The following FAM193A variants were observed in gnomAD, a reference collection of about 807,000 sequenced individuals.
The protein encoded by FAM193A is family with sequence similarity 193 member A, also known as protein FAM193A.
Under a neutral mutation model 126.5 loss-of-function variants are expected in FAM193A, and 22 were observed. That is an observed-to-expected ratio of 0.17 (90% CI 0.12 to 0.25). FAM193A has a LOEUF of 0.25. FAM193A is among the 10% of genes least tolerant of loss of function. FAM193A has a pLI of 1.00. For missense variants in FAM193A, 1,675 were observed against 1,672.8 expected, an observed-to-expected ratio of 1.00 and a Z score of -0.02; for synonymous variants, 761 against 646.8, an observed-to-expected ratio of 1.18 and a Z score of -2.68.
intron 2 of FAM193A, among the ~76,000 whole-genome samples, chr4:2,608,677 A>C (rs936283109): frequency 6.6e-6 from 1 of 152,058 alleles, no homozygotes; most frequent in Admixed American, 6.6e-5. Flanking sequence ...ATAACATTCT[A>C]TCTCGGGCCC....
Position 2,557,832 on chromosome 4 carries a change from G to A in FAM193A, c.255+20662G>A, listed in dbSNP as rs565865668. On this transcript the variant is annotated intron_variant, in intron 1 of 20. Transcript: ENST00000637812. ...CCAGGTGTGGTGGTGCACGCCTGTA[G>A]TCCCAGCTACTCGGGAGGCTGAGGC... 2.6e-5 allele frequency among the ~76,000 whole-genome samples: 4 copies of A among 151,818 alleles called. No individual in the cohort carries two copies. The South Asian group carries it at 8.3e-4, about 32-fold the overall frequency.
chr4:2,578,648 T>A (rs1442212939), intron 1 of FAM193A, among the ~76,000 whole-genome samples: 2 of 152,110 alleles, frequency 1.3e-5, no homozygotes, highest in African/African-American at 4.8e-5. Flanking sequence ...CTTTCAACTC[T>A]CCAAAACCTT....
At chr4:2,726,946 G>A (rs1384147785) in intron 20 of FAM193A, among the ~76,000 whole-genome samples, 7 of 85,218 alleles carry the variant, frequency 8.2e-5, no homozygotes, top group Admixed American at 1.7e-4. Context: ...GCAAAACTCC[G>A]TCCCAAAAAA....
In FAM193A at chr4:2,693,797, C is replaced by G; in HGVS notation, c.3015C>G (p.Asp1005Glu). The change falls in exon 16 of 21, where the codon GAC becomes GAG. Residue 1005 changes from aspartate (D) to glutamate (E), a missense_variant. Asp to Glu is a conservative substitution (Grantham distance 45, BLOSUM62 2). Transcript: ENST00000637812. ...CAACCACAACTCCTGGGTTTGTGGA[C>G]ACACGCAAGAGTTTCTGTCCTGCAC... ...KTATTTPGFV[D>E]TRKSFCPAPL... 6.2e-7 allele frequency: 1 copy of G among 1,614,240 alleles called. No homozygotes were observed. Among genetic ancestry groups the G allele is most frequent in the African/African-American group, 1.3e-5 (1 of 75,066 alleles).
chr4:2,676,897 C>T (rs150774984), intron 13 of FAM193A, among the ~76,000 whole-genome samples: 6 of 152,024 alleles, frequency 3.9e-5, no homozygotes, highest in African/African-American at 1.2e-4. Flanking sequence ...GCCGAGATCA[C>T]GTCACTGCAC....
At chr4:2,577,110 A>T (rs1281494134) in intron 1 of FAM193A, among the ~76,000 whole-genome samples, 1 of 152,174 alleles carries the variant, frequency 6.6e-6, no homozygotes, top group Non-Finnish European at 1.5e-5. Context: ...TGAGAGTATT[A>T]TGGGGTCCGT....
At chr4:2,656,144 T>G (rs1319443192) in intron 7 of FAM193A, among the ~76,000 whole-genome samples, 1 of 152,136 alleles carries the variant, frequency 6.6e-6, no homozygotes, top group Non-Finnish European at 1.5e-5. Context: ...TTTGAGGTCT[T>G]ACTTGTTTTG....
intron 19 of FAM193A, among the ~76,000 whole-genome samples, chr4:2,715,141 T>C (rs1401779200): frequency 6.6e-6 from 1 of 152,204 alleles, no homozygotes; most frequent in Non-Finnish European, 1.5e-5. Context: ...CAGCATGAAA[T>C]GTAGCCTTGG....
intron 6 of FAM193A, among the ~76,000 whole-genome samples, chr4:2,640,262 T>G (rs1266357459): frequency 6.6e-6 from 1 of 152,142 alleles, no homozygotes; most frequent in African/African-American, 2.4e-5. Context: ...CAGCTTGGTG[T>G]TTCCCACACA....
In FAM193A at chr4:2,691,041, A is replaced by G. The variant is rs1716319293; in HGVS notation, c.2803+71A>G. 2.1e-5 allele frequency: 30 copies of G among 1,425,138 alleles called. No individual in the cohort carries two copies. The South Asian group carries it at 3.9e-4, about 18-fold the overall frequency. 88.3% of individuals were successfully genotyped at this position (1,425,138 alleles called of 1,614,324 possible). ...GGGCTTACTGACTTCTCGTCTTTGTAACTCATCTTTGTAACTGCCTTTTAC... is the reference window on the plus strand; with the variant it reads ...GGGCTTACTGACTTCTCGTCTTTGTGACTCATCTTTGTAACTGCCTTTTAC... On this transcript the variant is annotated intron_variant, in intron 15 of 20. Transcript: ENST00000637812.
At chr4:2,610,151 G>T (rs572762890) in intron 2 of FAM193A, among the ~76,000 whole-genome samples, 3 of 151,790 alleles carry the variant, frequency 2.0e-5, no homozygotes, top group African/African-American at 7.3e-5. Context: ...AGAATCGCTT[G>T]AACCAGAGAG....
chr4:2,676,255 T>G (rs1448155239), intron 13 of FAM193A, among the ~76,000 whole-genome samples: 2 of 152,254 alleles, frequency 1.3e-5, no homozygotes, highest in Non-Finnish European at 2.9e-5. Flanking sequence ...CACAAGGGTT[T>G]CAGTTTCTCC....
intron 2 of FAM193A, among the ~76,000 whole-genome samples, chr4:2,603,731 T>C (rs1741361856): frequency 2.6e-5 from 4 of 152,004 alleles, no homozygotes; most frequent in Admixed American, 2.6e-4. Flanking sequence ...AGTACAGGTG[T>C]GAGTCACTGC....
At chr4:2,725,861 G>T (rs1225846795) in intron 20 of FAM193A, among the ~76,000 whole-genome samples, 1 of 151,784 alleles carries the variant, frequency 6.6e-6, no homozygotes, top group Non-Finnish European at 1.5e-5. Context: ...ACAGGCGTGG[G>T]CCACCAATCT....
At chr4:2,721,670 C>T (rs1397321828) in intron 20 of FAM193A, among the ~76,000 whole-genome samples, 1 of 152,168 alleles carries the variant, frequency 6.6e-6, no homozygotes, top group East Asian at 1.9e-4. Flanking sequence ...TGTGAAGCGA[C>T]GGGAGTCCCT....
At position 2,596,889 on chromosome 4, in the gene FAM193A, C is replaced by T. The variant is rs373581637; in HGVS notation, c.501+560C>T. Among the ~76,000 whole-genome samples, 25 of 152,178 alleles carry T rather than the reference C, an allele frequency of 1.6e-4. No homozygotes were observed. In the East Asian group the frequency reaches 1.7e-3, roughly 11 times the overall value. Reference sequence around the variant, plus strand: ...AGTTGGCTTTTGCAACTATTTGAGACCCCACATTCTAGGCCTCTTCTGTGC... The same window carrying T: ...AGTTGGCTTTTGCAACTATTTGAGATCCCACATTCTAGGCCTCTTCTGTGC... On this transcript the variant is annotated intron_variant, in intron 2 of 20. Coordinates refer to ENST00000637812, the MANE Select transcript of FAM193A (RefSeq NM_001366318.2).
intron 2 of FAM193A, among the ~76,000 whole-genome samples, chr4:2,609,666 A>T (rs531002935): frequency 9.8e-5 from 15 of 152,304 alleles, no homozygotes; most frequent in African/African-American, 3.6e-4. Flanking sequence ...TAGGCCGATC[A>T]CGCCTGTAAT....
At position 2,695,184 on chromosome 4, in the gene FAM193A, C is replaced by A. The variant is rs548565741; in HGVS notation, c.3276+55C>A. 8 of 1,444,860 alleles carry A rather than the reference C, an allele frequency of 5.5e-6. No individual in the cohort carries two copies. The African/African-American group carries it at 1.2e-4, about 21-fold the overall frequency. The allele number at this position is 1,444,860 out of a possible 1,614,324, so 89.5% of individuals were successfully genotyped here. ...GTGGGAAGTGTGCAACACACGGGCT[C>A]CTTTGCAGAAATTCTGTACTAGGTT... On this transcript the variant is annotated intron_variant, in intron 17 of 20. Coordinates refer to ENST00000637812, the MANE Select transcript of FAM193A (RefSeq NM_001366318.2).
rs1187559351 is a variant in FAM193A, at chr4:2,700,094, C to T, written c.3922C>T (p.Leu1308Phe). The T allele has an allele frequency of 6.2e-7, 1 of 1,613,922 alleles. No individual in the cohort carries two copies. Among genetic ancestry groups the T allele is most frequent in the Non-Finnish European group, 8.5e-7 (1 of 1,180,008 alleles). ...CGTCGACACCAGAGACTCCAAATTT[C>T]TCCTCCCCAAGGAGGTGAATGGGAA... ...DPVDTRDSKFLLPKEVNGKQH... is the reference protein window; with the variant it reads ...DPVDTRDSKFFLPKEVNGKQH... Residue 1308 changes from leucine to phenylalanine, a missense_variant, in exon 19 of 21, where the codon CTC (leucine) becomes TTC (phenylalanine). Physicochemically the swap from Leu to Phe is conservative, Grantham distance 22. This residue lies in a region of FAM193A where 415 missense variants were observed against 396.7 expected (regional missense o/e 1.05). Transcript: ENST00000637812.
Sources: allele counts gnomAD v4.1 joint callset (sites outside exome capture counted in the v4.1 genomes callset), GRCh38; gene constraint gnomAD v4.1.1; regional missense constraint gnomAD v4.1.1; transcripts MANE v1.5; gene names NCBI Gene and HGNC (gene_info 2026-07-23, HGNC 2026-07-21).